The following EXTL1 variants were observed in gnomAD, a reference collection of about 807,000 sequenced individuals.
EXTL1 encodes exostosin-like 1.
A neutral mutation model predicts 64.6 loss-of-function variants in EXTL1; 43 were observed. The ratio of observed to expected loss-of-function variants is 0.67; its 90% CI spans 0.52 to 0.86. The LOEUF (loss-of-function observed/expected upper bound fraction) is 0.86, where lower values mean the gene tolerates loss of function less well. Among genes scored for constraint, EXTL1 ranks in the 40% least tolerant of loss-of-function variants. EXTL1 has a pLI of 0.00. For missense variants in EXTL1, 766 were observed against 879.0 expected (o/e 0.87, Z 1.62); for synonymous variants, 352 against 360.5 (o/e 0.98, Z 0.27).
At chr1:26,031,841 G>A (rs191525514) in intron 6 of EXTL1, among the ~76,000 whole-genome samples, 2 of 152,366 alleles carry the variant, frequency 1.3e-5, no homozygotes, top group Admixed American at 1.3e-4. Flanking sequence ...CTGAGCACTA[G>A]GCCCTGGGCT....
Position 26,021,819 on chromosome 1 carries a change from G to A in EXTL1, c.-828G>A, listed in dbSNP as rs773263960. On this transcript the variant is annotated 5_prime_UTR_variant, in exon 1 of 11. Coordinates refer to ENST00000374280, the MANE Select transcript of EXTL1 (RefSeq NM_004455.3). ...ATGGGAGGAGATACCATAGGGTTTG[G>A]GGGGCTTGGCACAGCGGCCCTGGCC... 1 of 152,492 alleles carries A rather than the reference G, an allele frequency of 6.6e-6. No homozygotes were observed. The highest frequency in any genetic ancestry group is 6.5e-5 in the Admixed American group (1 of 15,276). 9.4% of individuals were successfully genotyped at this position (152,492 alleles called of 1,614,324 possible).
At position 26,029,631 on chromosome 1, in the gene EXTL1, G is replaced by C. The variant is rs766951430; in HGVS notation, c.905G>C (p.Arg302Pro). ...AGCIPVLLSP[R>P]WELPFSEVID... ...TGCATCCCAGTGCTTCTCAGCCCCC[G>C]CTGGGAGCTGCCCTTCTCCGAGGTC... Residue 302 changes from arginine (R) to proline (P), a missense_variant, in exon 3 of 11, where the codon CGC (arginine) becomes CCC (proline). By Grantham distance (103) the Arg-to-Pro change is moderately radical. Around this residue, in one of 3 missense-constraint regions of EXTL1, gnomAD observed 571 missense variants for 647.6 expected, o/e 0.88. Coordinates refer to ENST00000374280, the MANE Select transcript of EXTL1 (RefSeq NM_004455.3). 15 of 1,610,632 alleles carry C rather than the reference G, an allele frequency of 9.3e-6. No individual in the cohort carries two copies. The highest frequency in any genetic ancestry group is 1.3e-5 in the Non-Finnish European group (15 of 1,179,198).
intron 1 of EXTL1, among the ~76,000 whole-genome samples, chr1:26,027,989 G>T (rs1394959932): frequency 2.0e-5 from 3 of 152,200 alleles, no homozygotes; most frequent in Non-Finnish European, 4.4e-5. Context: ...CCTTAACCTA[G>T]AGGTTTTCAA....
rs1224666061 is a variant in EXTL1 at position 26,029,582 on chromosome 1, G to C, written c.874-18G>C. On this transcript the variant is annotated intron_variant, in intron 2 of 10. Transcript: ENST00000374280. ...GCAGGGTGGGGCTGGGCTCCCCAGT[G>C]ACCTCCCCGCCCCCCAGGCCGGCTG... 6.6e-7 allele frequency: 1 copy of C among 1,513,434 alleles called. No homozygotes were observed. The highest frequency in any genetic ancestry group is 2.3e-5 in the East Asian group (1 of 43,540). The allele number at this position is 1,513,434 out of a possible 1,614,324, so 93.8% of individuals were successfully genotyped here. A position where few individuals can be genotyped will look rare whatever the true frequency, so the allele number is the denominator to read the frequency against.
Position 26,031,275 on chromosome 1 carries a change from G to A in EXTL1, c.1234+11G>A. On this transcript the variant is annotated intron_variant, in intron 5 of 10. Coordinates refer to ENST00000374280, the MANE Select transcript of EXTL1 (RefSeq NM_004455.3). The stretch of plus-strand genomic sequence containing the variant: ...ACTACCTGCAACAGGGTATGCCCTG[G>A]GGATGGGACAACCTGAAGTCCCCTC... 4 of 1,612,360 alleles carry A rather than the reference G, an allele frequency of 2.5e-6. No individual in the cohort carries two copies. The highest frequency in any genetic ancestry group is 2.5e-6 in the Non-Finnish European group (3 of 1,179,264).
chr1:26,032,189 T>G, intron 6 of EXTL1: 1 of 540,132 alleles, frequency 1.9e-6, no homozygotes, highest in Non-Finnish European at 3.3e-6. Flanking sequence ...TACCCTCATG[T>G]CACCAGAATC....
chr1:26,035,432 A>T lies in EXTL1; in HGVS notation c.*85A>T. On this transcript the variant is annotated 3_prime_UTR_variant, in exon 11 of 11. Coordinates refer to ENST00000374280, the MANE Select transcript of EXTL1 (RefSeq NM_004455.3). This position sits in a 1 kb window ranked among gnomAD's most constrained non-coding sequence, Gnocchi z 5.3. ...CCTGCCGGCGGGCTCCGCTCTTGGGACACCGGAGAACCTATCATGTCAGCC... is the reference window on the plus strand; with the variant it reads ...CCTGCCGGCGGGCTCCGCTCTTGGGTCACCGGAGAACCTATCATGTCAGCC... The T allele has an allele frequency of 5.5e-6, 7 of 1,261,570 alleles. No individual in the cohort carries two copies. Among genetic ancestry groups the T allele is most frequent in the East Asian group, 2.5e-5 (1 of 39,982 alleles). The allele number at this position is 1,261,570 out of a possible 1,614,324, so 78.1% of individuals were successfully genotyped here. A position where few individuals can be genotyped will look rare whatever the true frequency, so the allele number is the denominator to read the frequency against.
Position 26,035,303 on chromosome 1 carries a change from G to A in EXTL1, c.1987G>A (p.Val663Met), listed in dbSNP as rs1215763059. 1 of 1,613,060 alleles carries A rather than the reference G, an allele frequency of 6.2e-7. No homozygotes were observed. Among genetic ancestry groups the A allele is most frequent in the African/African-American group, 1.3e-5 (1 of 74,920 alleles). The change falls in exon 11 of 11, where the codon GTG becomes ATG. Residue 663 changes from valine (V) to methionine (M), a missense_variant. Coordinates refer to ENST00000374280, the MANE Select transcript of EXTL1 (RefSeq NM_004455.3). This position sits in a 1 kb window ranked among gnomAD's most constrained non-coding sequence, Gnocchi z 5.3. ...GGACCCGGTGCTGTTTAAGGACCCGGTGTCCGTGCAGCGCAAGAAGTACCG... is the reference window on the plus strand; with the variant it reads ...GGACCCGGTGCTGTTTAAGGACCCGATGTCCGTGCAGCGCAAGAAGTACCG... Reference protein sequence around the residue: ...RLDPVLFKDPVSVQRKKYRSL... With the variant: ...RLDPVLFKDPMSVQRKKYRSL...
Position 26,023,282 on chromosome 1 carries a change from T to C in EXTL1, c.636T>C (p.Pro212=). The C allele has an allele frequency of 6.3e-7, 1 of 1,576,616 alleles. No homozygotes were observed. The highest frequency in any genetic ancestry group is 8.6e-7 in the Non-Finnish European group (1 of 1,157,576). The stretch of plus-strand genomic sequence containing the variant: ...CCCACCCGTTGCGAGGTGGGGCTCC[T>C]GGCCAGCTGCGGCAACACAGCCCCC... ...PEAHPLRGGA[P]GQLRQHSPQP... The change falls in exon 1 of 11, where the codon CCT becomes CCC. Residue 212 remains proline, a synonymous_variant. Transcript: ENST00000374280.
rs35823015 is a variant in EXTL1, at chr1:26,021,932, C to T, written c.-715C>T. ...GGCTGCACTTCCTGAGCTGGTGCAG[C>T]GGCAGAGTGGATAAGGATCAGGACC... On this transcript the variant is annotated 5_prime_UTR_variant, in exon 1 of 11. Transcript: ENST00000374280. 0.15 allele frequency: 22,266 copies of T among 152,700 alleles called. 2,026 individuals carry two copies. Among genetic ancestry groups the T allele is most frequent in the Non-Finnish European group, 0.21 (14,201 of 68,362 alleles). The allele number at this position is 152,700 out of a possible 1,614,324, so 9.5% of individuals were successfully genotyped here. A position where few individuals can be genotyped will look rare whatever the true frequency, so the allele number is the denominator to read the frequency against.
chr1:26,031,562 C>T lies in EXTL1; in HGVS notation c.1337C>T (p.Ala446Val), dbSNP rs2050287782. The T allele has an allele frequency of 7.0e-6, 11 of 1,562,768 alleles. No homozygotes were observed. Among genetic ancestry groups the T allele is most frequent in the Admixed American group, 1.9e-5 (1 of 53,634 alleles). The change falls in exon 6 of 11, where the codon GCC (alanine) becomes GTC (valine). Residue 446 changes from alanine to valine, a missense_variant. This residue lies in a region of EXTL1 where 571 missense variants were observed against 647.6 expected (regional missense o/e 0.88). Coordinates refer to ENST00000374280, the MANE Select transcript of EXTL1 (RefSeq NM_004455.3). ...GCGGTGGCAGGCTCCCAGCACTGTG[C>T]CCAGGTCTGCCCCCTTCCCAGCTGG... ...IQAVAGSQHC[A>V]QILVLWSNER... is the part of the protein sequence containing the mutation.
At position 26,022,824 on chromosome 1, in the gene EXTL1, C is replaced by T. The variant is rs778176515; in HGVS notation, c.178C>T (p.Gln60Ter). ...TGCAGAGCTCCTGCAGAGCTTCTCC[C>T]AGCCTGGAGAGCTCCCAGAAGATGC... Reference protein sequence around the residue: ...LDAELLQSFSQPGELPEDAVS... With the variant: ...LDAELLQSFS The change falls in exon 1 of 11, where the codon CAG becomes TAG. Residue 60 changes from glutamine (Q) to a stop codon, truncating the protein, a stop_gained. Transcript: ENST00000374280. LOFTEE classifies it high-confidence loss of function. 4 of 1,614,070 alleles carry T rather than the reference C, an allele frequency of 2.5e-6. No individual in the cohort carries two copies. The South Asian group carries it at 3.3e-5, about 13-fold the overall frequency.
chr1:26,033,547 C>G lies in EXTL1; in HGVS notation c.1519-149C>G. On this transcript the variant is annotated intron_variant, in intron 8 of 10. Transcript: ENST00000374280. This position sits in a 1 kb window ranked among gnomAD's most constrained non-coding sequence, Gnocchi z 5.1. ...GGCCCCTGGAAGCTTTCATGCCACA[C>G]TTCCAGCCAATTCCAAGTCTTGGCT... 1 of 843,488 alleles carries G rather than the reference C, an allele frequency of 1.2e-6. No individual in the cohort carries two copies. Among genetic ancestry groups the G allele is most frequent in the Non-Finnish European group, 1.9e-6 (1 of 520,004 alleles). The allele number at this position is 843,488 out of a possible 1,614,324, so 52.3% of individuals were successfully genotyped here.
chr1:26,033,918 C>A lies in EXTL1; in HGVS notation c.1679+62C>A, dbSNP rs989767908. The A allele has an allele frequency of 1.3e-6, 2 of 1,502,878 alleles. No individual in the cohort carries two copies. Among genetic ancestry groups the A allele is most frequent in the Non-Finnish European group, 9.0e-7 (1 of 1,113,908 alleles). 93.1% of individuals were successfully genotyped at this position (1,502,878 alleles called of 1,614,324 possible). On this transcript the variant is annotated intron_variant, in intron 9 of 10. Transcript: ENST00000374280. This position sits in a 1 kb window ranked among gnomAD's most constrained non-coding sequence, Gnocchi z 5.1. ...AGAGGACCAGAGACCCCACCCCCAC[C>A]CCGAACGGAGCAGAGTGGCCTAGAC...
At chr1:26,027,323 A>C (rs1002096404) in intron 1 of EXTL1, among the ~76,000 whole-genome samples, 2 of 152,184 alleles carry the variant, frequency 1.3e-5, no homozygotes, top group African/African-American at 4.8e-5. Flanking sequence ...CATCTGTAAA[A>C]TGAGATAATA....
chr1:26,035,237 G>A lies in EXTL1; in HGVS notation c.1921G>A (p.Ala641Thr). 6.2e-7 allele frequency: 1 copy of A among 1,613,638 alleles called. No homozygotes were observed. The highest frequency in any genetic ancestry group is 2.2e-5 in the East Asian group (1 of 44,862). ...APDCINQIAA[A>T]FGHMPLLSSR... ...CGACTGCATCAACCAGATAGCGGCA[G>A]CGTTCGGCCACATGCCCTTGCTGTC... Residue 641 changes from alanine to threonine, a missense_variant, in exon 11 of 11, where the codon GCG becomes ACG. By Grantham distance (58) the Ala-to-Thr change is moderately conservative (BLOSUM62 0). Around this residue, in one of 3 missense-constraint regions of EXTL1, gnomAD observed 194 missense variants for 214.5 expected, o/e 0.90. Transcript: ENST00000374280. The surrounding 1 kb of genome is among the most constrained non-coding windows in gnomAD (Gnocchi z 5.3).
chr1:26,023,021 A>G lies in EXTL1; in HGVS notation c.375A>G (p.Thr125=). The change falls in exon 1 of 11, where the codon ACA becomes ACG. Residue 125 remains threonine (T), a synonymous_variant. Coordinates refer to ENST00000374280, the MANE Select transcript of EXTL1 (RefSeq NM_004455.3). ...LASIEGSRFY[T]FSPAGACLLL... ...CCATTGAGGGCTCTCGCTTCTACAC[A>G]TTCAGCCCTGCTGGGGCCTGCCTCC... 6.2e-7 allele frequency: 1 copy of G among 1,614,098 alleles called. No individual in the cohort carries two copies. The highest frequency in any genetic ancestry group is 8.5e-7 in the Non-Finnish European group (1 of 1,179,998).
In EXTL1 at chr1:26,023,011, G is replaced by A. The variant is rs781574807; in HGVS notation, c.365G>A (p.Arg122His). The change falls in exon 1 of 11, where the codon CGC (arginine) becomes CAC (histidine). Residue 122 changes from arginine (R) to histidine (H), a missense_variant. Arg to His is a conservative substitution (Grantham distance 29). Coordinates refer to ENST00000374280, the MANE Select transcript of EXTL1 (RefSeq NM_004455.3). The part of the protein sequence containing the change: ...RRILASIEGS[R>H]FYTFSPAGAC... ...ATCCTGGCTTCCATTGAGGGCTCTC[G>A]CTTCTACACATTCAGCCCTGCTGGG... is the stretch of plus-strand genomic sequence containing the variant. 1.4e-5 allele frequency: 22 copies of A among 1,613,960 alleles called. No homozygotes were observed. The African/African-American group carries it at 1.5e-4, about 11-fold the overall frequency.
At position 26,030,609 on chromosome 1, in the gene EXTL1, C is replaced by A. The variant is rs1401565648; in HGVS notation, c.1101+14C>A. The A allele has an allele frequency of 3.8e-6, 6 of 1,598,172 alleles. No individual in the cohort carries two copies. The Admixed American group carries it at 5.0e-5, about 13-fold the overall frequency. On this transcript the variant is annotated intron_variant, in intron 4 of 10. Coordinates refer to ENST00000374280, the MANE Select transcript of EXTL1 (RefSeq NM_004455.3). ...ACCACTCTGGAGGTGAGGGGTCTCA[C>A]CTGATGGGGGTCCTGGCTCTTGACT...
Sources: gnomAD v4.1 joint callset for allele counts (sites outside exome capture counted in the v4.1 genomes callset) on GRCh38, gnomAD v4.1.1 for gene constraint, gnomAD v4.1.1 regional missense constraint, Gnocchi (gnomAD v3.1) non-coding constraint, MANE v1.5 for transcripts, NCBI Gene and HGNC (gene_info 2026-07-23, HGNC 2026-07-21) for gene names.